Variants in SNAP47 observed in about 807,000 individuals in gnomAD.
SNAP47 encodes synaptosomal-associated protein 47.
In SNAP47, 20 loss-of-function variants were observed where a neutral mutation model predicts 31.4. That is an observed-to-expected ratio of 0.64 (90% CI 0.45 to 0.93). The LOEUF (loss-of-function observed/expected upper bound fraction) is 0.93, where lower values mean the gene tolerates loss of function less well. SNAP47 is among the 40% of genes least tolerant of loss of function. SNAP47 has a pLI of 0.00. For synonymous variants in SNAP47, 194 were observed against 213.4 expected, an observed-to-expected ratio of 0.91 and a Z score of 0.79; for missense variants, 492 against 528.5, an observed-to-expected ratio of 0.93 and a Z score of 0.68.
chr1:227,757,773 A>G (rs1429956708), intron 2 of SNAP47, among the ~76,000 whole-genome samples: 1 of 152,258 alleles, frequency 6.6e-6, no homozygotes, highest in Non-Finnish European at 1.5e-5. Flanking sequence ...ATGGAAGGAA[A>G]TGCCACATTC....
chr1:227,729,312 C>T (rs1318253497), intron 1 of SNAP47, among the ~76,000 whole-genome samples: 1 of 152,164 alleles, frequency 6.6e-6, no homozygotes, highest in African/African-American at 2.4e-5. Context: ...CAACAGGACA[C>T]TGGACATCTT....
At chr1:227,776,415 G>A in intron 4 of SNAP47, 1 of 986,650 alleles carries the variant, frequency 1.0e-6, no homozygotes, top group Non-Finnish European at 1.2e-6. Flanking sequence ...CTGGTTCCTG[G>A]ATTTCTTTAC....
At chr1:227,765,614 T>C (rs1258877250) in intron 3 of SNAP47, among the ~76,000 whole-genome samples, 1 of 152,206 alleles carries the variant, frequency 6.6e-6, no homozygotes, top group East Asian at 1.9e-4. Flanking sequence ...TTGTTGTTGG[T>C]TGTAACCAGA....
At chr1:227,779,992 T>G (rs1664371327) in intron 4 of SNAP47, among the ~76,000 whole-genome samples, 1 of 152,192 alleles carries the variant, frequency 6.6e-6, no homozygotes, top group Admixed American at 6.5e-5. Context: ...TCATTTGCAT[T>G]GTGCATGAAA....
chr1:227,735,051 C>T (rs372581089), upstream of SNAP47: 250 of 1,555,282 alleles, frequency 1.6e-4, 2 homozygotes, highest in South Asian at 2.0e-3. Context: ...GGCCTCCCCG[C>T]GGGCGTCACC....
At chr1:227,747,144 G>A (rs977225479) in intron 1 of SNAP47, 1 of 153,296 alleles carries the variant, frequency 6.5e-6, no homozygotes, top group African/African-American at 2.4e-5. Context: ...GTGGGGTTAT[G>A]AGAAGGGAAA....
At chr1:227,768,157 CCTT>C (rs1663559849) in intron 4 of SNAP47, 12 of 458,268 alleles carry the variant, frequency 2.6e-5, no homozygotes, top group Non-Finnish European at 3.2e-5. Flanking sequence ...AGTGCTCCCA[CCTT>C]CTGAGCCCTT....
At chr1:227,768,865 A>G (rs1282567180) in intron 4 of SNAP47, among the ~76,000 whole-genome samples, 8 of 151,866 alleles carry the variant, frequency 5.3e-5, no homozygotes, top group Non-Finnish European at 5.9e-5. Flanking sequence ...AGCACACCCC[A>G]CTCCCACACC....
In SNAP47 at chr1:227,744,192, T is replaced by A. The variant is rs550132756; in HGVS notation, c.-45-3500T>A. On this transcript the variant is annotated intron_variant, in intron 1 of 4. Transcript: ENST00000617596. Reference sequence around the variant, plus strand: ...AGGGACAGCTTTTTTTTTTTTTTTTTAGTATTTTTTGACCTGTGGGTTGTT... The same window carrying A: ...AGGGACAGCTTTTTTTTTTTTTTTTAAGTATTTTTTGACCTGTGGGTTGTT... The A allele has an allele frequency of 3.2e-5, 4 of 125,264 alleles. No individual in the cohort carries two copies. The East Asian group carries it at 9.5e-4, about 30-fold the overall frequency. The allele number at this position is 125,264 out of a possible 1,614,324, so 7.8% of individuals were successfully genotyped here.
chr1:227,761,339 C>G (rs1270319814), intron 3 of SNAP47, among the ~76,000 whole-genome samples: 2 of 152,160 alleles, frequency 1.3e-5, no homozygotes, highest in Non-Finnish European at 2.9e-5. Context: ...GGGCTGAATA[C>G]ACACCCTAAA....
At chr1:227,737,429 G>C (rs1661296117) in intron 1 of SNAP47, among the ~76,000 whole-genome samples, 1 of 152,164 alleles carries the variant, frequency 6.6e-6, no homozygotes, top group Non-Finnish European at 1.5e-5. Flanking sequence ...AGGTTTGGAG[G>C]TCTGATGACA....
In SNAP47 at chr1:227,763,876, C is replaced by T. The variant is rs571075526; in HGVS notation, c.989-3083C>T. Among the ~76,000 whole-genome samples, 84 of 152,330 alleles carry T rather than the reference C, an allele frequency of 5.5e-4. 2 individuals are homozygous for T. The South Asian group carries it at 0.016, about 30-fold the overall frequency. ...CAGGCTGGTGGCCCAGGTCCCCGCT[C>T]CCAGGCAGGTGCAGGCAGCCCCTCC... On this transcript the variant is annotated intron_variant, in intron 3 of 4. Coordinates refer to ENST00000617596, the MANE Select transcript of SNAP47 (RefSeq NM_053052.4). This position sits in a 1 kb window ranked among gnomAD's most constrained non-coding sequence, Gnocchi z 4.2.
upstream of SNAP47, chr1:227,730,306 G>C (rs929341576): frequency 1.3e-4 from 20 of 152,174 alleles, no homozygotes; most frequent in African/African-American, 4.3e-4. Flanking sequence ...CCCAACCCCG[G>C]ACAGGATCCC....
chr1:227,733,300 T>C, upstream of SNAP47: 1 of 1,181,216 alleles, frequency 8.5e-7, no homozygotes, highest in Non-Finnish European at 1.2e-6. Context: ...GGGGTCAGCC[T>C]CACCCATGAG....
chr1:227,730,472 T>C (rs1404987933), upstream of SNAP47: 1 of 151,462 alleles, frequency 6.6e-6, no homozygotes, highest in African/African-American at 2.4e-5. Context: ...AAAGGAGTCA[T>C]GGTCATTGAC....
intron 4 of SNAP47, chr1:227,775,964 G>C (rs771712883): frequency 1.6e-6 from 2 of 1,283,676 alleles, no homozygotes; most frequent in African/African-American, 1.5e-5. Flanking sequence ...AGCGCCCAGG[G>C]CATCCTCCTC....
chr1:227,756,709 G>A (rs1044702566), intron 2 of SNAP47, among the ~76,000 whole-genome samples: 5 of 152,228 alleles, frequency 3.3e-5, no homozygotes, highest in Non-Finnish European at 7.3e-5. Flanking sequence ...AGAGGCTGGC[G>A]AGGGACTTTT....
chr1:227,755,837 G>A (rs1263929195), intron 2 of SNAP47, among the ~76,000 whole-genome samples: 3 of 143,790 alleles, frequency 2.1e-5, no homozygotes, highest in African/African-American at 7.5e-5. Context: ...ATGACGTGGA[G>A]TTTGTCTGGG....
intron 1 of SNAP47, among the ~76,000 whole-genome samples, chr1:227,729,364 G>C (rs79499899): frequency 0.17 from 25,970 of 152,182 alleles, 2,358 homozygotes; most frequent in Admixed American, 0.22. Flanking sequence ...ACAAGTCACT[G>C]ACTTGGAAAC....
Sources: gnomAD v4.1 joint callset for allele counts (sites outside exome capture counted in the v4.1 genomes callset) on GRCh38, gnomAD v4.1.1 for gene constraint, Gnocchi (gnomAD v3.1) non-coding constraint, MANE v1.5 for transcripts, NCBI Gene and HGNC (gene_info 2026-07-23, HGNC 2026-07-21) for gene names.